The following IGHMBP2 variants were observed in gnomAD, a reference collection of about 807,000 sequenced individuals.
The protein encoded by IGHMBP2 is immunoglobulin mu DNA binding protein 2.
A neutral mutation model predicts 96.0 loss-of-function variants in IGHMBP2; 81 were observed. The ratio of observed to expected loss-of-function variants is 0.84; its 90% CI spans 0.71 to 1.01. IGHMBP2 has a LOEUF of 1.01. IGHMBP2 is among the 50% of genes least tolerant of loss of function. IGHMBP2 has a pLI of 0.00. For missense variants in IGHMBP2, 1,227 were observed against 1,306.3 expected, an observed-to-expected ratio of 0.94 and a Z score of 0.94; for synonymous variants, 557 against 548.9, an observed-to-expected ratio of 1.01 and a Z score of -0.21.
chr11:68,917,144 AT>A (rs1858705341), intron 6 of IGHMBP2, among the ~76,000 whole-genome samples: 1 of 151,514 alleles, frequency 6.6e-6, no homozygotes, highest in Non-Finnish European at 1.5e-5. Flanking sequence ...TGCCCAGCTA[AT>A]TTTTTGTATT....
chr11:68,911,642 G>T (rs759604727), intron 5 of IGHMBP2, 39 bp downstream of exon 5: 9 of 1,603,270 alleles, frequency 5.6e-6, no homozygotes, highest in Admixed American at 3.3e-5. Flanking sequence ...GAGCCCGTCC[G>T]CTCCTGGTCT....
intron 1 of IGHMBP2, 85 bp downstream of exon 1, chr11:68,904,123 C>T (rs1196386261): frequency 8.6e-7 from 1 of 1,168,740 alleles, no homozygotes; most frequent in Non-Finnish European, 1.2e-6. Context: ...GCCTCATAGT[C>T]TGGGGCGGGA....
intron 7 of IGHMBP2, among the ~76,000 whole-genome samples, chr11:68,922,983 T>C (rs891461105): frequency 1.3e-5 from 2 of 152,216 alleles, no homozygotes; most frequent in Non-Finnish European, 2.9e-5. Flanking sequence ...ACATTTGGAA[T>C]ACAACTATAA....
chr11:68,939,046 C>G (rs1380099414), intron 14 of IGHMBP2, among the ~76,000 whole-genome samples: 2 of 152,080 alleles, frequency 1.3e-5, no homozygotes, highest in African/African-American at 4.8e-5. Context: ...GGCAGGCAGG[C>G]TATCCACCCT....
chr11:68,911,671 T>C, intron 5 of IGHMBP2, 68 bp downstream of exon 5: 1 of 1,465,430 alleles, frequency 6.8e-7, no homozygotes, highest in Non-Finnish European at 9.5e-7. Flanking sequence ...CAGTGGGTGC[T>C]CAGCGACCTT....
At chr11:68,914,494 C>T (rs1376075472) in intron 5 of IGHMBP2, among the ~76,000 whole-genome samples, 2 of 152,140 alleles carry the variant, frequency 1.3e-5, no homozygotes, top group Non-Finnish European at 2.9e-5. Flanking sequence ...GACCTCATGG[C>T]AGTGTCTAGG....
At chr11:68,934,030 C>T (rs956092865) in intron 10 of IGHMBP2, 117 bp downstream of exon 10, 29 of 780,028 alleles carry the variant, frequency 3.7e-5, no homozygotes, top group Admixed American at 2.3e-4. Context: ...TGTTGATGGC[C>T]GTGAAAAAAC....
intron 1 of IGHMBP2, among the ~76,000 whole-genome samples, chr11:68,905,423 T>C (rs497530): frequency 0.045 from 6,815 of 152,278 alleles, 516 homozygotes; most frequent in African/African-American, 0.15. Context: ...GCTCTGAGAA[T>C]GAAACGATCC....
chr11:68,937,259 C>T (rs1371526825), intron 13 of IGHMBP2, among the ~76,000 whole-genome samples, 168 bp downstream of exon 13: 2 of 152,218 alleles, frequency 1.3e-5, no homozygotes, highest in African/African-American at 4.8e-5. Context: ...TCCGTCTGGG[C>T]TCCCCTAGGT....
chr11:68,931,614 C>T (rs1859303541), intron 8 of IGHMBP2, among the ~76,000 whole-genome samples: 1 of 152,150 alleles, frequency 6.6e-6, no homozygotes, highest in Non-Finnish European at 1.5e-5. Context: ...AGGGGCGGGG[C>T]TCCCACTGGC....
intron 8 of IGHMBP2, among the ~76,000 whole-genome samples, chr11:68,931,476 A>G (rs1230940679): frequency 6.6e-6 from 1 of 152,038 alleles, no homozygotes; most frequent in African/African-American, 2.4e-5. Context: ...CGGCTCCCCT[A>G]AGAGCACCGG....
chr11:68,908,380 A>T, intron 3 of IGHMBP2, 43 bp downstream of exon 3: 1 of 1,571,624 alleles, frequency 6.4e-7, no homozygotes, highest in South Asian at 1.1e-5. Flanking sequence ...ATCTTCCTTC[A>T]ACACAGCTAA....
rs773242930 is a variant in IGHMBP2 at position 68,936,848 on chromosome 11, C to T, written c.2368C>T (p.Arg790Ter). 40 of 1,613,226 alleles carry T rather than the reference C, an allele frequency of 2.5e-5. No individual in the cohort carries two copies. Among genetic ancestry groups the T allele is most frequent in the Non-Finnish European group, 3.2e-5 (38 of 1,179,972 alleles). The change falls in exon 13 of 15, where the codon CGA becomes TGA. Residue 790 changes from arginine to a stop codon, truncating the protein, a stop_gained. Transcript: ENST00000255078. LOFTEE classifies it high-confidence loss of function. ...TGTGAGCAAGAGGGCCCCGCGACCC[C>T]GAGCAGCCCTGGGACCCCCAGCAGG... is the stretch of plus-strand genomic sequence containing the variant. ...ITVSKRAPRP[R>*]AALGPPAGTG...
In IGHMBP2 at chr11:68,920,352, C is replaced by T. The variant is rs77718650; in HGVS notation, c.1060+2469C>T. ...CCTCCAGCAATCCTCCCACATTGAC[C>T]TCCTGAGTTGCTGGGATTAACAGGC... On this transcript the variant is annotated intron_variant, in intron 7 of 14. Transcript: ENST00000255078. Among the ~76,000 whole-genome samples the T allele has an allele frequency of 5.5e-3, 834 of 152,366 alleles. 6 individuals carry two copies. The highest frequency in any genetic ancestry group is 9.0e-3 in the Admixed American group (137 of 15,302).
chr11:68,935,376 A>C lies in IGHMBP2; in HGVS notation c.1710A>C (p.Arg570=), dbSNP rs1410728026. ...EIKSVDGFQG[R]EKEAVILSFV... Reference sequence around the variant, plus strand: ...AGTCTGTCGATGGCTTCCAAGGCCGAGAGAAGGAGGCCGTGATACTGTCCT... The same window carrying C: ...AGTCTGTCGATGGCTTCCAAGGCCGCGAGAAGGAGGCCGTGATACTGTCCT... The change falls in exon 12 of 15, where the codon CGA becomes CGC. Residue 570 remains arginine (R), a synonymous_variant. Transcript: ENST00000255078. 1 of 1,614,170 alleles carries C rather than the reference A, an allele frequency of 6.2e-7. No homozygotes were observed. Among genetic ancestry groups the C allele is most frequent in the Non-Finnish European group, 8.5e-7 (1 of 1,180,044 alleles).
intron 1 of IGHMBP2, 51 bp downstream of exon 1, chr11:68,904,089 C>T (rs1026615934): frequency 4.9e-6 from 7 of 1,422,708 alleles, no homozygotes; most frequent in Admixed American, 2.0e-5. Flanking sequence ...CGCCGTGTCC[C>T]GGGCAGAGTC....
chr11:68,937,094 A>T lies in IGHMBP2; in HGVS notation c.2611+3A>T. ...AAAGAAAAAGAAAAAAGCCAAAGGTAAGTCAACTAATAAGAACTTGGGGCA... is the reference window on the plus strand; with the variant it reads ...AAAGAAAAAGAAAAAAGCCAAAGGTTAGTCAACTAATAAGAACTTGGGGCA... On this transcript the variant is annotated splice_donor_region_variant and intron_variant, in intron 13 of 14. Transcript: ENST00000255078. 1 of 1,596,748 alleles carries T rather than the reference A, an allele frequency of 6.3e-7. No individual in the cohort carries two copies. Among genetic ancestry groups the T allele is most frequent in the African/African-American group, 1.3e-5 (1 of 74,998 alleles).
At chr11:68,926,966 G>A (rs923034880) in intron 7 of IGHMBP2, among the ~76,000 whole-genome samples, 1 of 152,134 alleles carries the variant, frequency 6.6e-6, no homozygotes, top group African/African-American at 2.4e-5. Flanking sequence ...GGGTCACCAT[G>A]TTGGCCAGGC....
intron 2 of IGHMBP2, 129 bp from the exon 3 acceptor site, chr11:68,908,016 C>A: frequency 5.2e-5 from 42 of 802,774 alleles, no homozygotes; most frequent in Non-Finnish European, 7.2e-5. Flanking sequence ...TTTTTTTTAA[C>A]TGTTACTGAT....
Sources: gnomAD v4.1 joint callset for allele counts (sites outside exome capture counted in the v4.1 genomes callset) on GRCh38, gnomAD v4.1.1 for gene constraint, MANE v1.5 for transcripts, NCBI Gene and HGNC (gene_info 2026-07-23, HGNC 2026-07-21) for gene names.